The following L3MBTL3 variants were observed in gnomAD, a reference collection of about 807,000 sequenced individuals.
L3MBTL3 encodes lethal(3)malignant brain tumor-like protein 3.
Under a neutral mutation model 102.3 loss-of-function variants are expected in L3MBTL3, and 27 were observed. That is an observed-to-expected ratio of 0.26 (90% CI 0.19 to 0.36). The LOEUF (loss-of-function observed/expected upper bound fraction) is 0.36. Ranked by LOEUF, L3MBTL3 falls within the 10% of genes least tolerant of loss-of-function variation. L3MBTL3 has a pLI of 1.00. For missense variants in L3MBTL3, 798 were observed against 955.3 expected (o/e 0.84, Z 2.17); for synonymous variants, 340 against 320.9 (o/e 1.06, Z -0.64).
chr6:130,137,247 C>T (rs1787783945), intron 22 of L3MBTL3, among the ~76,000 whole-genome samples: 1 of 152,148 alleles, frequency 6.6e-6, no homozygotes. Context: ...AATGGAAGGC[C>T]AGAGCTCCTG....
intron 2 of L3MBTL3, among the ~76,000 whole-genome samples, chr6:130,029,316 A>G (rs1258150131): frequency 6.6e-6 from 1 of 152,088 alleles, no homozygotes. Context: ...TCTCTTTTTC[A>G]TACTGGCCTC....
chr6:130,127,345 G>A lies in L3MBTL3; in HGVS notation c.1967-6107G>A, dbSNP rs538000995. 2.0e-5 allele frequency among the ~76,000 whole-genome samples: 3 copies of A among 152,188 alleles called. No individual in the cohort carries two copies. The East Asian group carries it at 5.8e-4, about 29-fold the overall frequency. On this transcript the variant is annotated intron_variant, in intron 20 of 22. Coordinates refer to ENST00000361794, the MANE Select transcript of L3MBTL3 (RefSeq NM_032438.4). ...GACCAGGGCATGGGGGAAGGTCAAAGGGAGACCTTGCTTCTGAGGCTTACT... is the reference window on the plus strand; with the variant it reads ...GACCAGGGCATGGGGGAAGGTCAAAAGGAGACCTTGCTTCTGAGGCTTACT...
Position 130,104,658 on chromosome 6 carries a change from A to G in L3MBTL3, c.1886+83A>G, listed in dbSNP as rs1582576232. ...TTATCTTTTAGATATTTTATTTCCT[A>G]TAGCAATGTTTTCTTGGAGATTGTT... is the stretch of plus-strand genomic sequence containing the variant. On this transcript the variant is annotated intron_variant, in intron 19 of 22. Coordinates refer to ENST00000361794, the MANE Select transcript of L3MBTL3 (RefSeq NM_032438.4). 4.9e-6 allele frequency: 5 copies of G among 1,022,650 alleles called. No homozygotes were observed. In the East Asian group the frequency reaches 1.5e-4, roughly 30 times the overall value. The allele number at this position is 1,022,650 out of a possible 1,614,324, so 63.3% of individuals were successfully genotyped here.
intron 2 of L3MBTL3, among the ~76,000 whole-genome samples, chr6:130,024,435 T>C (rs915655177): frequency 1.3e-5 from 2 of 152,316 alleles, no homozygotes; most frequent in South Asian, 4.1e-4. Context: ...CAATCAATGT[T>C]CTAAGAATCC....
intron 18 of L3MBTL3, among the ~76,000 whole-genome samples, chr6:130,095,990 G>A (rs1314338721): frequency 6.6e-6 from 1 of 152,152 alleles, no homozygotes; most frequent in Non-Finnish European, 1.5e-5. Flanking sequence ...ATATTTTCGA[G>A]CAGCATTTTT....
chr6:130,082,241 C>A (rs1783413806), intron 14 of L3MBTL3, among the ~76,000 whole-genome samples: 1 of 152,156 alleles, frequency 6.6e-6, no homozygotes, highest in Admixed American at 6.6e-5. Flanking sequence ...TACTTTGAGA[C>A]TGTGTATCTT....
chr6:130,084,800 A>G (rs1258499233), intron 15 of L3MBTL3, among the ~76,000 whole-genome samples: 1 of 152,146 alleles, frequency 6.6e-6, no homozygotes, highest in Non-Finnish European at 1.5e-5. Flanking sequence ...GCTCTGTGTT[A>G]TTTATATAAC....
At chr6:130,104,838 A>G (rs1380091600) in intron 19 of L3MBTL3, among the ~76,000 whole-genome samples, 3 of 151,650 alleles carry the variant, frequency 2.0e-5, no homozygotes, top group African/African-American at 7.3e-5. Flanking sequence ...TAGAGGTAGG[A>G]ATTTGGAAAT....
chr6:130,139,584 T>G (rs376974231), intron 22 of L3MBTL3, 26 bp from the exon 23 acceptor site: 2 of 1,604,212 alleles, frequency 1.2e-6, no homozygotes, highest in African/African-American at 2.7e-5. Flanking sequence ...TAATCCACAT[T>G]CTGTTGTTTT....
chr6:130,122,565 C>T (rs1786303859), intron 20 of L3MBTL3, among the ~76,000 whole-genome samples: 1 of 152,160 alleles, frequency 6.6e-6, no homozygotes, highest in South Asian at 2.1e-4. Flanking sequence ...TTGTAGCTTG[C>T]TTAGAACAGT....
intron 17 of L3MBTL3, among the ~76,000 whole-genome samples, chr6:130,093,407 G>T (rs775830579): frequency 5.9e-5 from 9 of 152,080 alleles, no homozygotes; most frequent in Non-Finnish European, 1.3e-4. Flanking sequence ...ACAAATGTAG[G>T]AAATACAATA....
At chr6:130,050,923 TAGA>T (rs1345617822) in intron 5 of L3MBTL3, among the ~76,000 whole-genome samples, 1 of 152,368 alleles carries the variant, frequency 6.6e-6, no homozygotes, top group Admixed American at 6.5e-5. Flanking sequence ...GATACAAATA[TAGA>T]AGAAGTTTCT....
rs1168436883 is a variant in L3MBTL3, at chr6:130,133,710, CT to C, written c.2136+98del. 6.0e-5 allele frequency: 89 copies of C among 1,484,518 alleles called. No individual in the cohort carries two copies. Among genetic ancestry groups the C allele is most frequent in the Admixed American group, 7.6e-5 (4 of 52,744 alleles). The allele number at this position is 1,484,518 out of a possible 1,614,324, so 92.0% of individuals were successfully genotyped here. ...ACATTGAGCGTAGGTAGCGTTTAGT[CT>C]TTTTTTTTCTGAAAGAGAAGAAATT... is the stretch of plus-strand genomic sequence containing the variant. On this transcript the variant is annotated intron_variant, in intron 21 of 22. Coordinates refer to ENST00000361794, the MANE Select transcript of L3MBTL3 (RefSeq NM_032438.4). This position sits in a 1 kb window ranked among gnomAD's most constrained non-coding sequence, Gnocchi z 4.9.
chr6:130,069,054 A>T (rs1484955603), intron 12 of L3MBTL3, among the ~76,000 whole-genome samples: 1 of 152,200 alleles, frequency 6.6e-6, no homozygotes, highest in East Asian at 1.9e-4. Context: ...GAGTTGGAGG[A>T]CGTGCATGGC....
chr6:130,085,144 T>C (rs1198319939), intron 15 of L3MBTL3, among the ~76,000 whole-genome samples: 5 of 152,090 alleles, frequency 3.3e-5, no homozygotes, highest in Admixed American at 3.3e-4. Flanking sequence ...ACACTTTTCT[T>C]ATACCCATTT....
chr6:130,047,688 AT>A (rs1242946491), intron 3 of L3MBTL3, among the ~76,000 whole-genome samples: 2 of 152,142 alleles, frequency 1.3e-5, no homozygotes, highest in Non-Finnish European at 2.9e-5. Flanking sequence ...ATTCAAATTG[AT>A]TTTTTATCAC....
At chr6:130,035,843 A>G (rs1191190098) in intron 2 of L3MBTL3, among the ~76,000 whole-genome samples, 3 of 152,164 alleles carry the variant, frequency 2.0e-5, no homozygotes, top group Admixed American at 2.0e-4. Context: ...AGCACAGAGG[A>G]CCCACCAGGG....
chr6:130,024,145 G>T (rs1779181728), intron 2 of L3MBTL3, among the ~76,000 whole-genome samples: 1 of 152,070 alleles, frequency 6.6e-6, no homozygotes, highest in African/African-American at 2.4e-5. Flanking sequence ...ATGAGGATGA[G>T]AAAATAGGTA....
At chr6:130,113,946 A>G (rs1785502575) in intron 19 of L3MBTL3, among the ~76,000 whole-genome samples, 1 of 152,226 alleles carries the variant, frequency 6.6e-6, no homozygotes. Flanking sequence ...ACAAAAGTTA[A>G]TTAGTAAACC....
Sources: gnomAD v4.1 joint callset for allele counts (sites outside exome capture counted in the v4.1 genomes callset) on GRCh38, gnomAD v4.1.1 for gene constraint, Gnocchi (gnomAD v3.1) non-coding constraint, MANE v1.5 for transcripts, NCBI Gene and HGNC (gene_info 2026-07-23, HGNC 2026-07-21) for gene names.